IMPG1: variants seen among roughly 807,000 people sequenced by gnomAD.
The protein encoded by IMPG1 is interphotoreceptor matrix proteoglycan 1.
Under a neutral mutation model 92.0 loss-of-function variants are expected in IMPG1, and 85 were observed. The observed-to-expected ratio is 0.92, with a 90% CI of 0.78 to 1.11. The LOEUF is 1.11. Ranked by LOEUF, IMPG1 falls within the 50% of genes least tolerant of loss-of-function variation. The probability of loss-of-function intolerance (pLI) is 0.00; values close to 1 mark genes in which losing one functional copy is unlikely to be tolerated. For missense variants in IMPG1, 1,022 were observed against 956.0 expected (o/e 1.07, Z -0.91); for synonymous variants, 367 against 334.1 (o/e 1.10, Z -1.08).
At chr6:76,047,496 T>TTC (rs1345081093) in intron 1 of IMPG1, among the ~76,000 whole-genome samples, 1 of 152,302 alleles carries the variant, frequency 6.6e-6, no homozygotes, top group Admixed American at 6.5e-5. Flanking sequence ...GCCATGAAAC[T>TTC]TGTGTTGTAG....
At position 76,003,884 on chromosome 6, in the gene IMPG1, A is replaced by G. The variant is rs1197394984; in HGVS notation, c.1202T>C (p.Val401Ala). 1 of 1,612,436 alleles carries G rather than the reference A, an allele frequency of 6.2e-7. No homozygotes were observed. Among genetic ancestry groups the G allele is most frequent in the Non-Finnish European group, 8.5e-7 (1 of 1,179,336 alleles). ...TQSELPTSFA[V>A]ITEDATLSPE... is the part of the protein sequence containing the mutation. ...GGACAACAAACTTACCTCTGTTATA[A>G]CAGCAAAAGATGTGGGCAGCTCTGA... Residue 401 changes from valine to alanine, a missense_variant, in exon 11 of 17, where the codon GTT becomes GCT. Physicochemically the swap from Val to Ala is moderately conservative, Grantham distance 64 (BLOSUM62 0). This residue lies in a region of IMPG1 where 681 missense variants were observed against 583.6 expected (regional missense o/e 1.17). Coordinates refer to ENST00000369950, the MANE Select transcript of IMPG1 (RefSeq NM_001563.4).
At chr6:76,046,899 A>G (rs948583773) in intron 1 of IMPG1, among the ~76,000 whole-genome samples, 2 of 152,164 alleles carry the variant, frequency 1.3e-5, no homozygotes, top group African/African-American at 4.8e-5. Flanking sequence ...CAAAATTTTC[A>G]TTAGTCAGTA....
At chr6:75,945,358 CTT>C (rs71678760) in intron 14 of IMPG1, among the ~76,000 whole-genome samples, 14 of 122,782 alleles carry the variant, frequency 1.1e-4, no homozygotes, top group South Asian at 5.3e-4. Flanking sequence ...TTTTTTTTTT[CTT>C]TTTTTTTTTT....
intron 16 of IMPG1, among the ~76,000 whole-genome samples, chr6:75,923,305 A>G (rs905716225): frequency 1.3e-5 from 2 of 152,114 alleles, no homozygotes; most frequent in South Asian, 2.1e-4. Flanking sequence ...AAATTATTCA[A>G]TGCCAGGAAT....
chr6:76,027,861 T>C (rs971634775), intron 4 of IMPG1, among the ~76,000 whole-genome samples: 1 of 152,244 alleles, frequency 6.6e-6, no homozygotes, highest in South Asian at 2.1e-4. Context: ...TTATGTTTCA[T>C]AATATCAAGT....
chr6:76,018,161 A>G (rs1317308742), intron 7 of IMPG1, among the ~76,000 whole-genome samples: 1 of 152,220 alleles, frequency 6.6e-6, no homozygotes, highest in Non-Finnish European at 1.5e-5. Context: ...ACCTAATCCC[A>G]TATATACTAC....
intron 8 of IMPG1, among the ~76,000 whole-genome samples, chr6:76,008,760 T>A (rs912130732): frequency 6.6e-6 from 1 of 152,196 alleles, no homozygotes; most frequent in African/African-American, 2.4e-5. Context: ...ATTTATGGTA[T>A]ACGATCCAAG....
chr6:76,057,367 G>T (rs1484138491), intron 1 of IMPG1, among the ~76,000 whole-genome samples: 1 of 152,158 alleles, frequency 6.6e-6, no homozygotes, highest in Non-Finnish European at 1.5e-5. Context: ...GAGGCATGTA[G>T]CAGTGGGGAC....
At chr6:75,952,839 C>G (rs1195499046) in intron 12 of IMPG1, among the ~76,000 whole-genome samples, 2 of 152,136 alleles carry the variant, frequency 1.3e-5, no homozygotes, top group Non-Finnish European at 2.9e-5. Flanking sequence ...AAACTCCAAA[C>G]CAGGAGGAGA....
chr6:75,978,447 C>T (rs905995836), intron 12 of IMPG1, among the ~76,000 whole-genome samples: 6 of 152,082 alleles, frequency 3.9e-5, no homozygotes, highest in African/African-American at 1.5e-4. Context: ...TCTATTAATG[C>T]CCCTCTGAGA....
intron 1 of IMPG1, among the ~76,000 whole-genome samples, chr6:76,061,421 T>C (rs934558879): frequency 1.3e-5 from 2 of 152,200 alleles, no homozygotes; most frequent in African/African-American, 4.8e-5. Context: ...TAGGCAGCTA[T>C]CTCAGGTATG....
At chr6:76,069,431 A>G (rs1344926616) in intron 1 of IMPG1, among the ~76,000 whole-genome samples, 9 of 152,190 alleles carry the variant, frequency 5.9e-5, no homozygotes, top group African/African-American at 9.6e-5. Flanking sequence ...AACGGAGTAA[A>G]TAGATATCAC....
intron 1 of IMPG1, among the ~76,000 whole-genome samples, chr6:76,060,384 A>G (rs1358447172): frequency 6.6e-6 from 1 of 152,198 alleles, no homozygotes; most frequent in African/African-American, 2.4e-5. Flanking sequence ...AAATAATTAC[A>G]GCGGCACATT....
intron 15 of IMPG1, among the ~76,000 whole-genome samples, chr6:75,928,033 A>G (rs1781589021): frequency 6.6e-6 from 1 of 152,142 alleles, no homozygotes; most frequent in Admixed American, 6.5e-5. Flanking sequence ...AGAAAGAGAA[A>G]TGTTTAAAAT....
intron 12 of IMPG1, among the ~76,000 whole-genome samples, chr6:75,970,741 G>A (rs1562352844): frequency 6.6e-6 from 1 of 152,154 alleles, no homozygotes; most frequent in Non-Finnish European, 1.5e-5. Context: ...ATTTTTAATA[G>A]TATGATCAAA....
At chr6:75,932,648 A>AT (rs905249600) in intron 14 of IMPG1, among the ~76,000 whole-genome samples, 4 of 151,442 alleles carry the variant, frequency 2.6e-5, no homozygotes, top group African/African-American at 9.7e-5. Context: ...TCCCAAAGAC[A>AT]TTTTTCCTTA....
chr6:76,011,191 TG>T lies in IMPG1; in HGVS notation c.840del (p.Phe280LeufsTer7). 1 of 1,553,066 alleles carries T rather than the reference TG, an allele frequency of 6.4e-7. No individual in the cohort carries two copies. On this transcript the variant is annotated frameshift_variant, in exon 8 of 17. Coordinates refer to ENST00000369950, the MANE Select transcript of IMPG1 (RefSeq NM_001563.4). LOFTEE classifies it high-confidence loss of function. Reference sequence around the variant, plus strand: ...CTAAATCCTAACACATGGATTTTTTTGAATCCTGGAAGTTTCTTAAATATCT... The same window carrying T: ...CTAAATCCTAACACATGGATTTTTTTAATCCTGGAAGTTTCTTAAATATCT... ...MQKIFKKLPG[F>X]KKIHVLGFRP... is the part of the protein sequence containing the mutation.
At chr6:75,963,512 A>T (rs528322714) in intron 12 of IMPG1, among the ~76,000 whole-genome samples, 1 of 152,356 alleles carries the variant, frequency 6.6e-6, no homozygotes, top group African/African-American at 2.4e-5. Context: ...TAATACAGAG[A>T]GTAACATCTG....
rs542447798 is a variant in IMPG1 at position 75,958,647 on chromosome 6, C to T, written c.1292-7553G>A. On this transcript the variant is annotated intron_variant, in intron 12 of 16. Coordinates refer to ENST00000369950, the MANE Select transcript of IMPG1 (RefSeq NM_001563.4). ...TGAGTTGATCTTCAACCTCTGACAT[C>T]CTTTCTTCCGCTTGACCGATTCGCC... 1.9e-4 allele frequency among the ~76,000 whole-genome samples: 29 copies of T among 151,946 alleles called. 1 individual carries two copies. Among genetic ancestry groups the T allele is most frequent in the African/African-American group, 5.1e-4 (21 of 41,354 alleles).
Sources: gnomAD v4.1 joint callset for allele counts (sites outside exome capture counted in the v4.1 genomes callset) on GRCh38, gnomAD v4.1.1 for gene constraint, gnomAD v4.1.1 regional missense constraint, MANE v1.5 for transcripts, NCBI Gene and HGNC (gene_info 2026-07-23, HGNC 2026-07-21) for gene names.